ZNF573: variants seen among roughly 807,000 people sequenced by gnomAD.
ZNF573 encodes the protein zinc finger protein 573.
In ZNF573, 41 loss-of-function variants were observed where a neutral mutation model predicts 57.4. That is an observed-to-expected ratio of 0.71 (90% confidence interval 0.56 to 0.93). ZNF573 has a LOEUF of 0.93. Ranked by LOEUF, ZNF573 falls within the 40% of genes least tolerant of loss-of-function variation. The pLI is 0.00. For synonymous variants in ZNF573, 249 were observed against 261.0 expected, an observed-to-expected ratio of 0.95 and a Z score of 0.44; for missense variants, 730 against 794.8, an observed-to-expected ratio of 0.92 and a Z score of 0.98.
intron 4 of ZNF573, among the ~76,000 whole-genome samples, chr19:37,764,504 A>G (rs537026445): frequency 6.6e-6 from 1 of 150,856 alleles, no homozygotes; most frequent in Non-Finnish European, 1.5e-5. Context: ...TACTTTTAAT[A>G]GAGACGGGGT....
In ZNF573 at chr19:37,738,673, C is replaced by G; in HGVS notation, c.1817G>C (p.Gly606Ala). The G allele has an allele frequency of 6.2e-7, 1 of 1,611,366 alleles. No individual in the cohort carries two copies. Among genetic ancestry groups the G allele is most frequent in the East Asian group, 2.2e-5 (1 of 44,852 alleles). Reference protein sequence around the residue: ...YLTQHQKIHTGGKPYECKECG... With the variant: ...YLTQHQKIHTAGKPYECKECG... ...TTCTTTACATTCATAAGGTTTTCCA[C>G]CAGTATGAATTTTCTGATGTTGGGT... The change falls in exon 5 of 5, where the codon GGT becomes GCT. Residue 606 changes from glycine (G) to alanine (A), a missense_variant. Transcript: ENST00000536220.
rs966080758 is a variant in ZNF573 at position 37,773,767 on chromosome 19, A to C, written c.-22-16T>G. On this transcript the variant is annotated splice_polypyrimidine_tract_variant and intron_variant, in intron 1 of 4. Transcript: ENST00000536220. ...GAATCCAGAGCTGAGAGAAGAAAAG[A>C]GATGTTAGTGTTCCCAATATGACTT... is the stretch of plus-strand genomic sequence containing the variant. 1.4e-6 allele frequency: 2 copies of C among 1,447,424 alleles called. No homozygotes were observed. Among genetic ancestry groups the C allele is most frequent in the Non-Finnish European group, 1.9e-6 (2 of 1,068,018 alleles). The allele number at this position is 1,447,424 out of a possible 1,614,324, so 89.7% of individuals were successfully genotyped here.
At chr19:37,762,178 C>T (rs1199127952) in intron 4 of ZNF573, among the ~76,000 whole-genome samples, 1 of 152,096 alleles carries the variant, frequency 6.6e-6, no homozygotes, top group African/African-American at 2.4e-5. Context: ...TAATACATTG[C>T]AGATTGTAGA....
At position 37,738,662 on chromosome 19, in the gene ZNF573, A is replaced by G. The variant is rs1276047329; in HGVS notation, c.1828T>C (p.Tyr610His). 6.2e-7 allele frequency: 1 copy of G among 1,611,602 alleles called. No individual in the cohort carries two copies. ...HQKIHTGGKP[Y>H]ECKECGKAFS... ...GCCTTCCCACATTCTTTACATTCAT[A>G]AGGTTTTCCACCAGTATGAATTTTC... The change falls in exon 5 of 5, where the codon TAT becomes CAT. Residue 610 changes from tyrosine (Y) to histidine (H), a missense_variant. By Grantham distance (83) the Tyr-to-His change is moderately conservative. Transcript: ENST00000536220.
intron 4 of ZNF573, among the ~76,000 whole-genome samples, chr19:37,746,732 C>CTT (rs2045386712): frequency 1.3e-5 from 2 of 152,172 alleles, no homozygotes; most frequent in Admixed American, 6.6e-5. Context: ...TACAGACCCG[C>CTT]GCCTCCACGC....
At chr19:37,761,312 C>G (rs2045550972) in intron 4 of ZNF573, among the ~76,000 whole-genome samples, 1 of 152,114 alleles carries the variant, frequency 6.6e-6, no homozygotes, top group Admixed American at 6.6e-5. Flanking sequence ...TATTGTTTTC[C>G]TGGGACTCAC....
intron 4 of ZNF573, among the ~76,000 whole-genome samples, chr19:37,741,728 G>A: frequency 6.6e-6 from 1 of 152,116 alleles, no homozygotes; most frequent in Admixed American, 6.5e-5. Context: ...CATATTGAAT[G>A]GGCAAAAGCT....
intron 4 of ZNF573, chr19:37,740,536 T>A: frequency 2.2e-6 from 1 of 459,682 alleles, no homozygotes; most frequent in Non-Finnish European, 4.3e-6. Context: ...TATCACTGAT[T>A]TAGATGCAGG....
chr19:37,754,513 C>G (rs910039484), intron 4 of ZNF573, among the ~76,000 whole-genome samples: 1 of 130,024 alleles, frequency 7.7e-6, no homozygotes, highest in Non-Finnish European at 1.6e-5. Flanking sequence ...AAGTGAGACT[C>G]CACCTCAAAA....
At chr19:37,743,499 G>C (rs1401546387) in intron 4 of ZNF573, among the ~76,000 whole-genome samples, 1 of 152,122 alleles carries the variant, frequency 6.6e-6, no homozygotes, top group African/African-American at 2.4e-5. Flanking sequence ...ATAGATGCTG[G>C]TGAGGCTGTG....
chr19:37,774,816 T>C (rs2045692732), intron 1 of ZNF573, among the ~76,000 whole-genome samples: 1 of 152,202 alleles, frequency 6.6e-6, no homozygotes, highest in Admixed American at 6.5e-5. Context: ...ATGTTACCAT[T>C]ACTTTTCTTT....
chr19:37,764,326 TG>T (rs1452360002), intron 4 of ZNF573, among the ~76,000 whole-genome samples: 7 of 150,556 alleles, frequency 4.6e-5, no homozygotes, highest in Non-Finnish European at 8.9e-5. Flanking sequence ...TTTTTTTTGT[TG>T]TTTTTTTTTC....
At chr19:37,740,238 C>T (rs2045314964) in intron 4 of ZNF573, 44 bp from the exon 5 acceptor site, 1 of 1,490,466 alleles carries the variant, frequency 6.7e-7, no homozygotes, top group African/African-American at 1.4e-5. Context: ...ATTTCTATAC[C>T]AGAGAACAAG....
chr19:37,775,697 C>T (rs1477420374), intron 1 of ZNF573, among the ~76,000 whole-genome samples: 1 of 151,962 alleles, frequency 6.6e-6, no homozygotes, highest in African/African-American at 2.4e-5. Flanking sequence ...TAAAGACTTA[C>T]CCAAAAAGCC....
In ZNF573 at chr19:37,739,463, A is replaced by T; in HGVS notation, c.1027T>A (p.Ser343Thr). The change falls in exon 5 of 5, where the codon TCA becomes ACA. Residue 343 changes from serine to threonine, a missense_variant. Coordinates refer to ENST00000536220, the MANE Select transcript of ZNF573 (RefSeq NM_001172690.2). ...ATTCTCTGATGTAGAAGAAAGTATG[A>T]GGCAGTGGTATAGCCCTTCCCACAT... ...KECGKGYTTA[S>T]YFLLHQRIHK... 6.2e-7 allele frequency: 1 copy of T among 1,614,116 alleles called. No individual in the cohort carries two copies.
chr19:37,771,202 A>C (rs1199263592), intron 3 of ZNF573, among the ~76,000 whole-genome samples: 1 of 151,756 alleles, frequency 6.6e-6, no homozygotes, highest in East Asian at 1.9e-4. Context: ...ATGACACAGC[A>C]TATCTATAGG....
intron 4 of ZNF573, among the ~76,000 whole-genome samples, chr19:37,767,390 A>G (rs1414594523): frequency 6.6e-6 from 1 of 151,070 alleles, no homozygotes; most frequent in South Asian, 2.1e-4. Flanking sequence ...CACCACGCCC[A>G]CCTAATTTTT....
At chr19:37,755,271 T>C (rs576709259) in intron 4 of ZNF573, 1 of 152,260 alleles carries the variant, frequency 6.6e-6, no homozygotes, top group Non-Finnish European at 1.5e-5. Flanking sequence ...CCTGGCCCAA[T>C]GGAATAAATC....
intron 2 of ZNF573, among the ~76,000 whole-genome samples, chr19:37,772,225 C>T (rs1377990713): frequency 6.6e-6 from 1 of 152,146 alleles, no homozygotes; most frequent in South Asian, 2.1e-4. Flanking sequence ...CCTTGACCTC[C>T]CAGGCCCAGG....
Sources: gnomAD v4.1 joint callset for allele counts (sites outside exome capture counted in the v4.1 genomes callset) on GRCh38, gnomAD v4.1.1 for gene constraint, MANE v1.5 for transcripts, NCBI Gene and HGNC (gene_info 2026-07-23, HGNC 2026-07-21) for gene names.